The following NRXN3 variants were observed in gnomAD, a reference collection of about 807,000 sequenced individuals.
NRXN3 encodes neurexin III.
Under a neutral mutation model 137.6 loss-of-function variants are expected in NRXN3, and 32 were observed. That is an observed-to-expected ratio of 0.23 (90% CI 0.18 to 0.31). The LOEUF is 0.31. NRXN3 is among the 10% of genes least tolerant of loss of function. The pLI is 1.00. For missense variants in NRXN3, 1,574 were observed against 2,062.5 expected (o/e 0.76, Z 4.59); for synonymous variants, 798 against 784.5 (o/e 1.02, Z -0.29).
chr14:78,617,381 ATGG>A (rs1215357566), intron 4 of NRXN3, among the ~76,000 whole-genome samples: 1 of 152,078 alleles, frequency 6.6e-6, no homozygotes, highest in African/African-American at 2.4e-5. Flanking sequence ...TTGCCATAAA[ATGG>A]TAGTGTTAAG....
At chr14:79,532,226 T>G (rs924005644) in intron 16 of NRXN3, among the ~76,000 whole-genome samples, 1 of 152,210 alleles carries the variant, frequency 6.6e-6, no homozygotes, top group Non-Finnish European at 1.5e-5. Flanking sequence ...TGTGTATGTC[T>G]TTATGTAAGT....
chr14:78,826,068 A>G (rs2098965652), intron 10 of NRXN3, among the ~76,000 whole-genome samples: 1 of 152,238 alleles, frequency 6.6e-6, no homozygotes, highest in African/African-American at 2.4e-5. Context: ...CTTACCTTGT[A>G]CCAGATAATG....
chr14:78,530,785 C>T (rs2153811249), intron 4 of NRXN3, among the ~76,000 whole-genome samples: 1 of 152,324 alleles, frequency 6.6e-6, no homozygotes, highest in South Asian at 2.1e-4. Context: ...TCAGGTTTTA[C>T]TGTATTTGGC....
chr14:78,867,031 T>A (rs2099088840), intron 10 of NRXN3, among the ~76,000 whole-genome samples: 1 of 152,086 alleles, frequency 6.6e-6, no homozygotes, highest in South Asian at 2.1e-4. Flanking sequence ...TCTCTTGACC[T>A]TGTGATCCAC....
chr14:78,879,214 G>A (rs2099121613), intron 10 of NRXN3, among the ~76,000 whole-genome samples: 1 of 152,054 alleles, frequency 6.6e-6, no homozygotes, highest in Admixed American at 6.6e-5. Flanking sequence ...CTTTTCCTTT[G>A]GATATATACC....
intron 4 of NRXN3, among the ~76,000 whole-genome samples, chr14:78,629,399 G>A (rs1473132826): frequency 6.6e-6 from 1 of 152,188 alleles, no homozygotes; most frequent in African/African-American, 2.4e-5. Context: ...AAAGGCCCCA[G>A]CAGATGGATG....
At chr14:79,385,729 C>A (rs2094595405) in intron 15 of NRXN3, among the ~76,000 whole-genome samples, 1 of 152,060 alleles carries the variant, frequency 6.6e-6, no homozygotes, top group South Asian at 2.1e-4. Context: ...TGTACATGTA[C>A]CCCTGAACTT....
chr14:79,563,316 C>G lies in NRXN3; in HGVS notation c.3444+95914C>G, dbSNP rs541010190. Among the ~76,000 whole-genome samples, 4 of 152,190 alleles carry G rather than the reference C, an allele frequency of 2.6e-5. No homozygotes were observed. In the East Asian group the frequency reaches 7.8e-4, roughly 30 times the overall value. ...CATGTGTCAAAGCTAATATACTTAACTCAAGCCTATTCCAGTGGGTTCTCA... is the reference window on the plus strand; with the variant it reads ...CATGTGTCAAAGCTAATATACTTAAGTCAAGCCTATTCCAGTGGGTTCTCA... On this transcript the variant is annotated intron_variant, in intron 16 of 20. Transcript: ENST00000335750.
intron 16 of NRXN3, among the ~76,000 whole-genome samples, chr14:79,529,171 A>C (rs1171113605): frequency 6.6e-6 from 1 of 152,128 alleles, no homozygotes; most frequent in Non-Finnish European, 1.5e-5. Flanking sequence ...GTCCCTTTTA[A>C]TGGCTCACAA....
chr14:79,543,296 T>C (rs1443995616), intron 16 of NRXN3, among the ~76,000 whole-genome samples: 1 of 152,224 alleles, frequency 6.6e-6, no homozygotes, highest in Admixed American at 6.5e-5. Context: ...TCATGACATA[T>C]TCCAGCATCC....
intron 4 of NRXN3, among the ~76,000 whole-genome samples, chr14:78,628,052 A>G (rs886267379): frequency 6.6e-6 from 1 of 151,560 alleles, no homozygotes; most frequent in Non-Finnish European, 1.5e-5. Flanking sequence ...TATGGATAAT[A>G]CCATAGCATT....
At chr14:79,029,730 C>T (rs2152483874) in intron 15 of NRXN3, among the ~76,000 whole-genome samples, 1 of 152,172 alleles carries the variant, frequency 6.6e-6, no homozygotes, top group African/African-American at 2.4e-5. Context: ...CAGATGTTGC[C>T]AAATACCCCT....
At chr14:78,848,764 C>A (rs1295760042) in intron 10 of NRXN3, among the ~76,000 whole-genome samples, 2 of 152,056 alleles carry the variant, frequency 1.3e-5, no homozygotes, top group African/African-American at 4.8e-5. Context: ...GAGAGGGAGC[C>A]AGCAATTTGT....
intron 1 of NRXN3, among the ~76,000 whole-genome samples, chr14:78,213,300 T>G (rs775041756): frequency 9.9e-5 from 15 of 151,910 alleles, no homozygotes; most frequent in Non-Finnish European, 1.8e-4. Flanking sequence ...GGAAGGGGAA[T>G]TAGGATGAGT....
At chr14:78,287,932 A>G (rs545193643) in intron 3 of NRXN3, among the ~76,000 whole-genome samples, 1 of 152,060 alleles carries the variant, frequency 6.6e-6, no homozygotes, top group African/African-American at 2.4e-5. Flanking sequence ...ATACAGTATT[A>G]TGAGTATGAT....
chr14:78,917,347 A>T (rs1329433231), intron 10 of NRXN3, among the ~76,000 whole-genome samples: 1 of 152,208 alleles, frequency 6.6e-6, no homozygotes, highest in Non-Finnish European at 1.5e-5. Context: ...CAGAAAAAAT[A>T]ACTATTGGAT....
At chr14:78,518,550 C>A (rs2096244321) in intron 4 of NRXN3, among the ~76,000 whole-genome samples, 1 of 152,206 alleles carries the variant, frequency 6.6e-6, no homozygotes, top group East Asian at 1.9e-4. Flanking sequence ...ACTGTCAAAA[C>A]CTCTGGGATC....
intron 15 of NRXN3, among the ~76,000 whole-genome samples, chr14:79,184,308 G>T (rs534020676): frequency 1.4e-4 from 22 of 152,280 alleles, no homozygotes; most frequent in African/African-American, 4.1e-4. Context: ...AACAGCAAGA[G>T]AAGATGATTC....
intron 4 of NRXN3, among the ~76,000 whole-genome samples, chr14:78,319,103 G>T: frequency 6.6e-6 from 1 of 152,216 alleles, no homozygotes; most frequent in East Asian, 1.9e-4. Flanking sequence ...GAGGGCATCT[G>T]CTTCTTTCTC....
Sources: gnomAD v4.1 joint callset for allele counts (sites outside exome capture counted in the v4.1 genomes callset) on GRCh38, gnomAD v4.1.1 for gene constraint, MANE v1.5 for transcripts, NCBI Gene and HGNC (gene_info 2026-07-23, HGNC 2026-07-21) for gene names.